ZNF735: variants seen among roughly 807,000 people sequenced by gnomAD.
ZNF735 encodes the protein putative zinc finger protein 735.
ZNF735 carries 11 observed loss-of-function variants against 13.4 expected under a neutral mutation model. That is an observed-to-expected ratio of 0.82 (90% CI 0.52 to 1.36). ZNF735 has a LOEUF of 1.36. ZNF735 is among the 40% of genes most tolerant of loss of function. ZNF735 has a pLI of 0.00. For synonymous variants in ZNF735, 171 were observed against 162.6 expected (o/e 1.05, Z -0.39); for missense variants, 500 against 484.6 (o/e 1.03, Z -0.30).
At position 64,213,991 on chromosome 7, in the gene ZNF735, CT is replaced by C. The variant is rs753114062; in HGVS notation, c.167-14del. The C allele has an allele frequency of 1.7e-4, 269 of 1,563,128 alleles. No individual in the cohort carries two copies. In the African/African-American group the frequency reaches 3.0e-3, roughly 17 times the overall value. ...AAATAAATAAATAAGATTTAAGTTA[CT>C]TTTTTTTCTTAATAAAACAGGTATG... On this transcript the variant is annotated intron_variant, in intron 2 of 3. Coordinates refer to ENST00000429565, the Ensembl canonical transcript of ZNF735.
intron 3 of ZNF735, among the ~76,000 whole-genome samples, chr7:64,217,164 C>G (rs1449406662): frequency 1.3e-5 from 2 of 152,132 alleles, no homozygotes; most frequent in Admixed American, 1.3e-4. Context: ...TCATAGAGTT[C>G]TCACACTATT....
At chr7:64,213,119 A>G (rs779613441) in exon 2 of ZNF735, 14 of 1,612,916 alleles carry the variant, frequency 8.7e-6, no homozygotes, top group Non-Finnish European at 1.1e-5. Context: ...AGACATAGCT[A>G]TAGAATTCTC....
intron 3 of ZNF735, among the ~76,000 whole-genome samples, chr7:64,217,346 G>C (rs1004736973): frequency 6.6e-6 from 1 of 152,152 alleles, no homozygotes; most frequent in African/African-American, 2.4e-5. Flanking sequence ...ACAGTCTACT[G>C]AACTGTGAAC....
intron 3 of ZNF735, among the ~76,000 whole-genome samples, chr7:64,217,702 T>C (rs554153232): frequency 1.3e-5 from 2 of 152,170 alleles, no homozygotes; most frequent in East Asian, 3.9e-4. Flanking sequence ...CTTTGTCTCA[T>C]GCTAGTAATG....
chr7:64,214,256 T>A (rs1787394028), intron 3 of ZNF735, 148 bp downstream of exon 3: 1 of 920,350 alleles, frequency 1.1e-6, no homozygotes, highest in East Asian at 2.9e-5. Flanking sequence ...TTATTTTTTT[T>A]ATTTTTTTGC....
At chr7:64,219,494 G>A in exon 4 of ZNF735, 2 of 1,612,186 alleles carry the variant, frequency 1.2e-6, no homozygotes, top group Non-Finnish European at 8.5e-7. Flanking sequence ...CTTAACCAAT[G>A]TTTGTCAAAT....
exon 4 of ZNF735, chr7:64,220,221 T>C: frequency 6.2e-7 from 1 of 1,612,950 alleles, no homozygotes; most frequent in Non-Finnish European, 8.5e-7. Flanking sequence ...ACAAAGCTTT[T>C]AAGTGGCATT....
intron 3 of ZNF735, among the ~76,000 whole-genome samples, chr7:64,215,051 T>C (rs1787403803): frequency 6.6e-6 from 1 of 151,586 alleles, no homozygotes; most frequent in East Asian, 1.9e-4. Flanking sequence ...TAATCATTTG[T>C]CCATTTCTTT....
intron 3 of ZNF735, among the ~76,000 whole-genome samples, chr7:64,217,675 T>C (rs1381570743): frequency 6.6e-6 from 1 of 152,122 alleles, no homozygotes; most frequent in Non-Finnish European, 1.5e-5. Context: ...CTCATTTTAC[T>C]ATTATATAAT....
chr7:64,210,004 C>G (rs1429599138), intron 1 of ZNF735, among the ~76,000 whole-genome samples: 1 of 151,894 alleles, frequency 6.6e-6, no homozygotes, highest in African/African-American at 2.4e-5. Context: ...TATATATTTT[C>G]TTTTTAAAAT....
chr7:64,219,035 G>A (rs1234479221), intron 3 of ZNF735, among the ~76,000 whole-genome samples: 1 of 152,136 alleles, frequency 6.6e-6, no homozygotes, highest in Non-Finnish European at 1.5e-5. Context: ...GGATGAGGAA[G>A]GGCTGTGTTG....
chr7:64,219,669 T>C (rs1250481581), exon 4 of ZNF735: 8 of 1,585,780 alleles, frequency 5.0e-6, no homozygotes, highest in Middle Eastern at 3.3e-4. Flanking sequence ...ATCAGATAAT[T>C]CATACTAAGG....
At position 64,209,350 on chromosome 7, in the gene ZNF735, A is replaced by C. The variant is rs903777735; in HGVS notation, c.39+2109A>C. Among the ~76,000 whole-genome samples, 8 of 130,846 alleles carry C rather than the reference A, an allele frequency of 6.1e-5. No homozygotes were observed. In the Admixed American group the frequency reaches 6.4e-4, roughly 10 times the overall value. The allele number at this position is 130,846 out of a possible 152,430, so 85.8% of individuals were successfully genotyped here. On this transcript the variant is annotated intron_variant, in intron 1 of 3. Coordinates refer to ENST00000429565, the Ensembl canonical transcript of ZNF735. ...CAGAATCAACTTCTGGTTTTGTTGA[A>C]CTTTTTTTTTTTTTTTGAGACGGAG... is the stretch of plus-strand genomic sequence containing the variant.
At chr7:64,218,255 C>A (rs568569643) in intron 3 of ZNF735, among the ~76,000 whole-genome samples, 1 of 149,234 alleles carries the variant, frequency 6.7e-6, no homozygotes, top group Non-Finnish European at 1.5e-5. Context: ...TCTTTTCTGA[C>A]CTGAAATGTT....
chr7:64,208,244 G>GTTTT (rs71060562), intron 1 of ZNF735, among the ~76,000 whole-genome samples: 3,169 of 92,694 alleles, frequency 0.034, 747 homozygotes, highest in Non-Finnish European at 0.047. Context: ...TCCAATAAAT[G>GTTTT]TTTTTTTTTT....
chr7:64,209,983 AATT>A (rs1787337320), intron 1 of ZNF735, among the ~76,000 whole-genome samples: 3 of 152,162 alleles, frequency 2.0e-5, no homozygotes, highest in Non-Finnish European at 2.9e-5. Flanking sequence ...TTTTGTATTG[AATT>A]ATTATTCTAT....
chr7:64,213,007 T>C (rs1398123426), intron 1 of ZNF735, 85 bp from the exon 2 acceptor site: 7 of 1,408,670 alleles, frequency 5.0e-6, no homozygotes, highest in African/African-American at 1.5e-5. Flanking sequence ...TTTTACTCTC[T>C]TTTTTAACTT....
intron 3 of ZNF735, among the ~76,000 whole-genome samples, chr7:64,217,614 A>C (rs746048581): frequency 3.4e-4 from 52 of 152,092 alleles, no homozygotes; most frequent in Admixed American, 4.6e-4. Flanking sequence ...GATGTTATAT[A>C]TGCATATGCA....
chr7:64,208,043 T>C (rs1414853927), intron 1 of ZNF735, among the ~76,000 whole-genome samples: 1 of 151,772 alleles, frequency 6.6e-6, no homozygotes, highest in Non-Finnish European at 1.5e-5. Context: ...TTGTGATCCA[T>C]GGGAGAGACT....
Sources: allele counts gnomAD v4.1 joint callset (sites outside exome capture counted in the v4.1 genomes callset), GRCh38; gene constraint gnomAD v4.1.1; transcripts MANE v1.5; gene names NCBI Gene and HGNC (gene_info 2026-07-23, HGNC 2026-07-21).